The following CNTN4 variants were observed in gnomAD, a reference collection of about 807,000 sequenced individuals.
The protein encoded by CNTN4 is contactin 4.
CNTN4 carries 77 observed loss-of-function variants against 122.5 expected under a neutral mutation model. That is an observed-to-expected ratio of 0.63 (90% CI 0.52 to 0.76). The LOEUF (loss-of-function observed/expected upper bound fraction) is 0.76, where lower values mean the gene tolerates loss of function less well. CNTN4 is among the 30% of genes least tolerant of loss of function. CNTN4 has a pLI of 0.00. For synonymous variants in CNTN4, 512 were observed against 447.0 expected, an observed-to-expected ratio of 1.15 and a Z score of -1.83; for missense variants, 1,256 against 1,259.1, an observed-to-expected ratio of 1.00 and a Z score of 0.04.
rs1326464683 is a variant in CNTN4 at position 2,153,247 on chromosome 3, AGTGAATGTAGTAGAGAGG to A, written c.-145+52613_-145+52630del. ...TCAAGGCAAATGAGATCACCATGGG[AGTGAATGTAGTAGAGAGG>A]GTGACCGAAGATTGCATGACTACAT... On this transcript the variant is annotated intron_variant, in intron 2 of 24. Coordinates refer to ENST00000418658, the MANE Select transcript of CNTN4 (RefSeq NM_175607.3). 2.0e-5 allele frequency among the ~76,000 whole-genome samples: 3 copies of A among 152,174 alleles called. No homozygotes were observed. The East Asian group carries it at 5.8e-4, about 29-fold the overall frequency.
chr3:3,036,231 T>C (rs1699592567), intron 17 of CNTN4, among the ~76,000 whole-genome samples: 1 of 152,222 alleles, frequency 6.6e-6, no homozygotes. Context: ...TGTTGAGCAA[T>C]TCATATAAAT....
intron 9 of CNTN4, among the ~76,000 whole-genome samples, chr3:2,883,924 C>T (rs2093940082): frequency 6.6e-6 from 1 of 152,098 alleles, no homozygotes; most frequent in African/African-American, 2.4e-5. Flanking sequence ...CAGTAACCAG[C>T]AATAAAGATT....
intron 2 of CNTN4, among the ~76,000 whole-genome samples, chr3:2,229,220 A>G (rs890781529): frequency 6.6e-6 from 1 of 152,182 alleles, no homozygotes; most frequent in African/African-American, 2.4e-5. Context: ...CATTTATCTC[A>G]TTGGACCACA....
chr3:2,820,404 G>A lies in CNTN4; in HGVS notation c.454+823G>A, dbSNP rs2092835929. 2.0e-5 allele frequency among the ~76,000 whole-genome samples: 3 copies of A among 152,196 alleles called. No individual in the cohort carries two copies. The South Asian group carries it at 6.2e-4, about 32-fold the overall frequency. On this transcript the variant is annotated intron_variant, in intron 7 of 24. Transcript: ENST00000418658. The stretch of plus-strand genomic sequence containing the variant: ...GAATGCAGGAGTTTCTAGACTTGTG[G>A]ATCCTCCCCACATGTAGATGCATTC...
At chr3:2,276,375 C>T (rs1371519331) in intron 2 of CNTN4, among the ~76,000 whole-genome samples, 2 of 151,868 alleles carry the variant, frequency 1.3e-5, no homozygotes, top group East Asian at 1.9e-4. Flanking sequence ...GGTTTCACCA[C>T]GTTGGCCAGG....
intron 2 of CNTN4, among the ~76,000 whole-genome samples, chr3:2,191,242 G>C (rs1340036267): frequency 7.0e-6 from 1 of 142,844 alleles, no homozygotes; most frequent in Non-Finnish European, 1.6e-5. Flanking sequence ...CTTATAATGT[G>C]TTTTTAATGT....
intron 2 of CNTN4, among the ~76,000 whole-genome samples, chr3:2,229,215 A>G (rs1272183527): frequency 1.3e-5 from 2 of 152,196 alleles, no homozygotes; most frequent in Admixed American, 6.5e-5. Context: ...TTCATCATTT[A>G]TCTCATTGGA....
chr3:2,376,171 A>G (rs1285853735), intron 3 of CNTN4, among the ~76,000 whole-genome samples: 1 of 152,196 alleles, frequency 6.6e-6, no homozygotes, highest in Non-Finnish European at 1.5e-5. Context: ...GAGGGACTCC[A>G]CTATAAATTT....
intron 3 of CNTN4, among the ~76,000 whole-genome samples, chr3:2,531,817 C>T (rs1015653824): frequency 2.6e-5 from 4 of 152,130 alleles, no homozygotes; most frequent in Admixed American, 6.5e-5. Context: ...AATTCAAACT[C>T]GAGTCAAAAT....
chr3:2,156,900 C>T (rs942022460), intron 2 of CNTN4, among the ~76,000 whole-genome samples: 1 of 152,138 alleles, frequency 6.6e-6, no homozygotes, highest in South Asian at 2.1e-4. Context: ...GGAAGTCTGA[C>T]CCTCTTGGAT....
rs146774007 is a variant in CNTN4, at chr3:3,043,242, A to G, written c.2698+79A>G. 237 of 1,336,628 alleles carry G rather than the reference A, an allele frequency of 1.8e-4. No individual in the cohort carries two copies. In the African/African-American group the frequency reaches 2.8e-3, roughly 16 times the overall value. 82.8% of individuals were successfully genotyped at this position (1,336,628 alleles called of 1,614,324 possible). ...GTTTATTCCTTATCCCCACCTCCCA[A>G]TGATCATTTGCATACTAATTAGTAG... On this transcript the variant is annotated intron_variant, in intron 22 of 24. Transcript: ENST00000418658.
intron 4 of CNTN4, among the ~76,000 whole-genome samples, chr3:2,620,786 C>A (rs938151108): frequency 7.9e-5 from 12 of 152,258 alleles, no homozygotes; most frequent in African/African-American, 2.6e-4. Flanking sequence ...TACAGCCCCC[C>A]TCCTGTGTAA....
chr3:2,231,632 C>T (rs747601955), intron 2 of CNTN4, among the ~76,000 whole-genome samples: 1 of 152,158 alleles, frequency 6.6e-6, no homozygotes, highest in Non-Finnish European at 1.5e-5. Context: ...ACCTTAGCAA[C>T]ATCCAAGGCT....
intron 4 of CNTN4, among the ~76,000 whole-genome samples, chr3:2,728,573 C>T (rs189450713): frequency 7.7e-4 from 117 of 152,324 alleles, no homozygotes; most frequent in African/African-American, 2.4e-3. Context: ...TAAAGCAACA[C>T]GTTCCCACTG....
intron 13 of CNTN4, among the ~76,000 whole-genome samples, chr3:2,961,116 G>C (rs1446680638): frequency 3.9e-3 from 523 of 135,574 alleles, no homozygotes; most frequent in East Asian, 5.9e-3. Flanking sequence ...TGTAGTCCCA[G>C]CTACTCGGGA....
At chr3:2,744,975 G>C (rs1222662011) in intron 5 of CNTN4, among the ~76,000 whole-genome samples, 1 of 152,174 alleles carries the variant, frequency 6.6e-6, no homozygotes, top group Non-Finnish European at 1.5e-5. Flanking sequence ...AGTGATCCAC[G>C]GTTAAAGCAG....
At chr3:2,146,015 T>G (rs1431645048) in intron 2 of CNTN4, among the ~76,000 whole-genome samples, 1 of 151,796 alleles carries the variant, frequency 6.6e-6, no homozygotes, top group African/African-American at 2.4e-5. Context: ...ATCTGAGAAT[T>G]GATAATTAAC....
At chr3:2,416,654 C>T (rs1330465088) in intron 3 of CNTN4, among the ~76,000 whole-genome samples, 3 of 152,000 alleles carry the variant, frequency 2.0e-5, no homozygotes, top group Non-Finnish European at 2.9e-5. Context: ...TTTCCAGTGT[C>T]GCAACTTTCT....
intron 2 of CNTN4, among the ~76,000 whole-genome samples, chr3:2,165,519 T>A (rs1405032798): frequency 6.6e-6 from 1 of 152,208 alleles, no homozygotes; most frequent in Admixed American, 6.5e-5. Context: ...GTTACCTTTT[T>A]TTGTTGTGGT....
Sources: allele counts gnomAD v4.1 joint callset (sites outside exome capture counted in the v4.1 genomes callset), GRCh38; gene constraint gnomAD v4.1.1; transcripts MANE v1.5; gene names NCBI Gene and HGNC (gene_info 2026-07-23, HGNC 2026-07-21).